Variants in ARID3A observed in about 807,000 individuals in gnomAD.
ARID3A encodes the protein AT-rich interactive domain-containing protein 3A.
Under a neutral mutation model 52.7 loss-of-function variants are expected in ARID3A, and 11 were observed. The observed-to-expected ratio is 0.21, with a 90% CI of 0.13 to 0.35. The LOEUF (loss-of-function observed/expected upper bound fraction) is 0.35. Ranked by LOEUF, ARID3A falls within the 10% of genes least tolerant of loss-of-function variation. The pLI, the probability that ARID3A is intolerant of heterozygous loss-of-function variation, is 1.00. For synonymous variants in ARID3A, 404 were observed against 359.4 expected (o/e 1.12, Z -1.40); for missense variants, 721 against 838.5 (o/e 0.86, Z 1.73).
At chr19:955,259 G>A (rs998147079) in intron 3 of ARID3A, among the ~76,000 whole-genome samples, 4 of 152,132 alleles carry the variant, frequency 2.6e-5, no homozygotes, top group African/African-American at 4.8e-5. Context: ...AGGGCGGGGC[G>A]CCCCCCACAG....
chr19:940,589 G>A (rs1170857081), intron 3 of ARID3A, among the ~76,000 whole-genome samples: 1 of 152,130 alleles, frequency 6.6e-6, no homozygotes, highest in Non-Finnish European at 1.5e-5. Flanking sequence ...AGAAGGAGGA[G>A]AATTTTCCCA....
chr19:929,921 C>T lies in ARID3A; in HGVS notation c.368+25C>T, dbSNP rs776776634. 2.0e-6 allele frequency: 3 copies of T among 1,537,014 alleles called. No homozygotes were observed. The highest frequency in any genetic ancestry group is 2.7e-5 in the African/African-American group (2 of 72,972). ...TGTGAGTTGGGGTCTGGGGCAGGGC[C>T]TTCTGGGGGCTGTTACTGGCTCTGA... On this transcript the variant is annotated intron_variant, in intron 2 of 8. Coordinates refer to ENST00000263620, the MANE Select transcript of ARID3A (RefSeq NM_005224.3). This position sits in a 1 kb window ranked among gnomAD's most constrained non-coding sequence, Gnocchi z 6.2.
At position 964,653 on chromosome 19, in the gene ARID3A, G is replaced by A. The variant is rs191906773; in HGVS notation, c.951-180G>A. ...GGGTTGTGCAATCAGGGGCCATTGC[G>A]AGGAACAGCATTGAGATGGAGGGAA... On this transcript the variant is annotated intron_variant, in intron 5 of 8. Transcript: ENST00000263620. This position sits in a 1 kb window ranked among gnomAD's most constrained non-coding sequence, Gnocchi z 5.7. Among the ~76,000 whole-genome samples, 142 of 152,286 alleles carry A rather than the reference G, an allele frequency of 9.3e-4. No homozygotes were observed. The highest frequency in any genetic ancestry group is 1.4e-3 in the Non-Finnish European group (94 of 68,000).
chr19:958,695 C>T (rs1327681116), intron 3 of ARID3A, among the ~76,000 whole-genome samples: 2 of 151,990 alleles, frequency 1.3e-5, no homozygotes, highest in Non-Finnish European at 2.9e-5. Context: ...AGATCGAGAC[C>T]ATCCTGGCTA....
At chr19:968,675 C>T (rs867696627) in intron 8 of ARID3A, 172 bp downstream of exon 8, 5 of 598,952 alleles carry the variant, frequency 8.3e-6, no homozygotes, top group South Asian at 6.0e-5. Flanking sequence ...AGGATACCAT[C>T]GTTCACCCGG....
chr19:935,813 C>T (rs977081343), intron 3 of ARID3A, among the ~76,000 whole-genome samples: 19 of 151,954 alleles, frequency 1.3e-4, no homozygotes, highest in African/African-American at 3.1e-4. Flanking sequence ...TTTTTTGAGA[C>T]GGAGTCTCGC....
chr19:935,255 G>A (rs1032453386), intron 3 of ARID3A, among the ~76,000 whole-genome samples: 12 of 152,242 alleles, frequency 7.9e-5, no homozygotes, highest in Admixed American at 3.3e-4. Context: ...TGGCCAGGCC[G>A]CGGCGGGGGG....
At chr19:963,431 A>C (rs1403427008) in intron 4 of ARID3A, among the ~76,000 whole-genome samples, 3 of 152,186 alleles carry the variant, frequency 2.0e-5, no homozygotes, top group Admixed American at 6.5e-5. Context: ...GGTCTTGCCT[A>C]CTGTCAGGCC....
intron 6 of ARID3A, 23 bp downstream of exon 6, chr19:965,103 G>T (rs1032804115): frequency 1.3e-6 from 2 of 1,578,968 alleles, no homozygotes; most frequent in Non-Finnish European, 8.6e-7. Context: ...ATGGGGCCTG[G>T]GGCGTGTTCC....
chr19:965,860 C>T (rs1399788240), intron 6 of ARID3A, among the ~76,000 whole-genome samples: 1 of 151,852 alleles, frequency 6.6e-6, no homozygotes, highest in Non-Finnish European at 1.5e-5. Flanking sequence ...GGTGTGGTGG[C>T]ACACACCTGT....
Position 941,978 on chromosome 19 carries a change from C to T in ARID3A, c.693+9236C>T, listed in dbSNP as rs570331847. Among the ~76,000 whole-genome samples the T allele has an allele frequency of 1.3e-5, 2 of 152,264 alleles. No homozygotes were observed. The highest frequency in any genetic ancestry group is 2.1e-4 in the South Asian group (1 of 4,830). ...CGTGCTGGACCCTGAAGCATGAGGT[C>T]GCGGTGGGGCCTATTAACCATTAGA... is the stretch of plus-strand genomic sequence containing the variant. On this transcript the variant is annotated intron_variant, in intron 3 of 8. Transcript: ENST00000263620. This position sits in a 1 kb window ranked among gnomAD's most constrained non-coding sequence, Gnocchi z 6.9.
rs773561710 is a variant in ARID3A, at chr19:947,358, G to A, written c.694-12734G>A. Reference sequence around the variant, plus strand: ...CATGGGGCTGCCTCCTGCCTCCTCTGCACCAACTTTCTGGAAGTGCCTGTC... The same window carrying A: ...CATGGGGCTGCCTCCTGCCTCCTCTACACCAACTTTCTGGAAGTGCCTGTC... On this transcript the variant is annotated intron_variant, in intron 3 of 8. Transcript: ENST00000263620. The surrounding 1 kb of genome is among the most constrained non-coding windows in gnomAD (Gnocchi z 6.3). 5.3e-5 allele frequency among the ~76,000 whole-genome samples: 8 copies of A among 152,190 alleles called. No individual in the cohort carries two copies. The highest frequency in any genetic ancestry group is 4.6e-4 in the Admixed American group (7 of 15,270).
At chr19:962,684 T>G (rs2038069236) in intron 4 of ARID3A, among the ~76,000 whole-genome samples, 1 of 151,814 alleles carries the variant, frequency 6.6e-6, no homozygotes, top group Admixed American at 6.6e-5. Flanking sequence ...CCGGCTAATT[T>G]TTGTATTTTT....
upstream of ARID3A, chr19:925,774 C>T (rs931378047): frequency 6.6e-6 from 1 of 152,104 alleles, no homozygotes; most frequent in African/African-American, 2.4e-5. Flanking sequence ...TGAAAATTTC[C>T]GTCCACTCTG....
chr19:946,729 C>T (rs893093991), intron 3 of ARID3A, among the ~76,000 whole-genome samples: 3 of 152,108 alleles, frequency 2.0e-5, no homozygotes, highest in Non-Finnish European at 4.4e-5. Flanking sequence ...GCGTGAGCCA[C>T]CGTCCCCGGC....
Position 975,522 on chromosome 19 carries a change from G to T in ARID3A, c.*3457G>T, listed in dbSNP as rs552358920. ...GTAAACTCAGCCTTTCATTCATGAC[G>T]TGTGAAATTTCAGTTTCTCTGGAGT... is the stretch of plus-strand genomic sequence containing the variant. On this transcript the variant is annotated 3_prime_UTR_variant, in exon 9 of 9. Transcript: ENST00000263620. 4.6e-6 allele frequency: 1 copy of T among 218,104 alleles called. No individual in the cohort carries two copies. The highest frequency in any genetic ancestry group is 9.2e-6 in the Non-Finnish European group (1 of 108,898). 13.5% of individuals were successfully genotyped at this position (218,104 alleles called of 1,614,324 possible).
At chr19:966,910 G>A in intron 7 of ARID3A, 42 bp downstream of exon 7, 1 of 1,556,312 alleles carries the variant, frequency 6.4e-7, no homozygotes, top group South Asian at 1.2e-5. Context: ...TCCTGCGTGT[G>A]TCACACAGTG....
At chr19:931,637 C>T (rs1284975374) in intron 2 of ARID3A, among the ~76,000 whole-genome samples, 1 of 151,818 alleles carries the variant, frequency 6.6e-6, no homozygotes, top group Non-Finnish European at 1.5e-5. Context: ...ACGGTGAAAC[C>T]CCGTCTCCAC....
intron 8 of ARID3A, 178 bp downstream of exon 8, chr19:968,681 C>T (rs1389441224): frequency 1.7e-6 from 1 of 588,808 alleles, no homozygotes; most frequent in East Asian, 2.9e-5. Flanking sequence ...CCATCGTTCA[C>T]CCGGTACCAC....
Sources: gnomAD v4.1 joint callset for allele counts (sites outside exome capture counted in the v4.1 genomes callset) on GRCh38, gnomAD v4.1.1 for gene constraint, Gnocchi (gnomAD v3.1) non-coding constraint, MANE v1.5 for transcripts, NCBI Gene and HGNC (gene_info 2026-07-23, HGNC 2026-07-21) for gene names.